NME7: variants seen among roughly 807,000 people sequenced by gnomAD.
The protein encoded by NME7 is nucleoside diphosphate kinase 7.
A neutral mutation model predicts 49.1 loss-of-function variants in NME7; 41 were observed. The ratio of observed to expected loss-of-function variants is 0.83; its 90% confidence interval spans 0.65 to 1.08. The LOEUF (loss-of-function observed/expected upper bound fraction) is 1.08, where lower values mean the gene tolerates loss of function less well. Among genes scored for constraint, NME7 ranks in the 50% least tolerant of loss-of-function variants. NME7 has a pLI of 0.00. For synonymous variants in NME7, 139 were observed against 150.6 expected, an observed-to-expected ratio of 0.92 and a Z score of 0.56; for missense variants, 423 against 463.4, an observed-to-expected ratio of 0.91 and a Z score of 0.80.
intron 7 of NME7, among the ~76,000 whole-genome samples, chr1:169,242,946 TCA>T (rs944416985): frequency 2.5e-4 from 38 of 152,052 alleles, no homozygotes; most frequent in African/African-American, 8.7e-4. Flanking sequence ...AGGGAATACT[TCA>T]CACAATAAAG....
chr1:169,170,331 T>C (rs1441143650), intron 10 of NME7, among the ~76,000 whole-genome samples: 1 of 152,134 alleles, frequency 6.6e-6, no homozygotes, highest in Non-Finnish European at 1.5e-5. Context: ...GTCACCTCTA[T>C]GAAAGTGGAA....
At chr1:169,277,042 G>A (rs1222237802) in intron 7 of NME7, among the ~76,000 whole-genome samples, 2 of 150,202 alleles carry the variant, frequency 1.3e-5, no homozygotes. Context: ...ATTGCACTGT[G>A]GTCTGAGAGA....
Position 169,137,218 on chromosome 1 carries a change from C to T in NME7, c.1099-4401G>A, listed in dbSNP as rs548370722. Among the ~76,000 whole-genome samples the T allele has an allele frequency of 3.9e-5, 6 of 152,356 alleles. No homozygotes were observed. In the East Asian group the frequency reaches 5.8e-4, roughly 15 times the overall value. On this transcript the variant is annotated intron_variant, in intron 11 of 11. Coordinates refer to ENST00000367811, the MANE Select transcript of NME7 (RefSeq NM_013330.5). ...GCTGCATGGGCCTGCAGTCTGTGCA[C>T]GGGGCCACATGCCTAGAAGAGCCTT...
intron 10 of NME7, among the ~76,000 whole-genome samples, chr1:169,192,688 G>A (rs1660268205): frequency 6.6e-6 from 1 of 152,126 alleles, no homozygotes; most frequent in South Asian, 2.1e-4. Flanking sequence ...TATACCTAGA[G>A]CTCTTGGTAT....
intron 10 of NME7, among the ~76,000 whole-genome samples, chr1:169,170,248 A>C (rs7518554): frequency 0.37 from 56,377 of 151,948 alleles, 11,034 homozygotes; most frequent in East Asian, 0.73. Context: ...ATAACCATGG[A>C]TAAGGTTAGT....
intron 11 of NME7, among the ~76,000 whole-genome samples, chr1:169,151,047 C>G (rs1187189223): frequency 6.6e-6 from 1 of 152,186 alleles, no homozygotes. Flanking sequence ...ATGGGCCGCA[C>G]AAAAACAGGC....
chr1:169,320,958 C>A (rs1651832474), intron 3 of NME7, among the ~76,000 whole-genome samples: 1 of 152,180 alleles, frequency 6.6e-6, no homozygotes. Context: ...TTTCCCTTTA[C>A]TTTCTAGCTG....
At chr1:169,161,971 A>C (rs549073130) in intron 11 of NME7, among the ~76,000 whole-genome samples, 4 of 152,182 alleles carry the variant, frequency 2.6e-5, no homozygotes, top group African/African-American at 9.6e-5. Flanking sequence ...TGTTTTTTTT[A>C]GATATGCATT....
chr1:169,215,629 G>A (rs1170937486), intron 10 of NME7, among the ~76,000 whole-genome samples: 1 of 152,138 alleles, frequency 6.6e-6, no homozygotes, highest in African/African-American at 2.4e-5. Flanking sequence ...TACTAGCTTA[G>A]CATCTTATTT....
At chr1:169,181,134 T>TTATCTATCTATCTATC (rs60560425) in intron 10 of NME7, among the ~76,000 whole-genome samples, 1,348 of 124,054 alleles carry the variant, frequency 0.011, 8 homozygotes, top group Admixed American at 0.016. Context: ...TCCTATCTAT[T>TTATCTATCTATCTATC]TATCTATCTA....
At chr1:169,274,821 T>C (rs1299041657) in intron 7 of NME7, among the ~76,000 whole-genome samples, 2 of 133,706 alleles carry the variant, frequency 1.5e-5, no homozygotes, top group African/African-American at 5.1e-5. Flanking sequence ...GTTCCATTCA[T>C]CTATCTCTCT....
chr1:169,150,596 G>A (rs938375786), intron 11 of NME7, among the ~76,000 whole-genome samples: 1 of 152,030 alleles, frequency 6.6e-6, no homozygotes, highest in Admixed American at 6.5e-5. Flanking sequence ...TAGGCAAAGG[G>A]ATATTTTGGT....
chr1:169,354,959 T>A (rs1250421666), intron 1 of NME7, among the ~76,000 whole-genome samples: 5 of 53,820 alleles, frequency 9.3e-5, no homozygotes, highest in Admixed American at 3.3e-4. Context: ...TATATATGTT[T>A]ATATATAATA....
rs544509409 is a variant in NME7 at position 169,220,666 on chromosome 1, C to CT, written c.990+10051dup. Among the ~76,000 whole-genome samples the CT allele has an allele frequency of 1.2e-3, 178 of 152,184 alleles. 4 individuals are homozygous for CT. Among genetic ancestry groups the CT allele is most frequent in the Non-Finnish European group, 1.1e-3 (77 of 68,000 alleles). ...AAGAAAATAAATTACTAACACATAA[C>CT]TTTTTTTATATATACTCACTGTACT... is the stretch of plus-strand genomic sequence containing the variant. On this transcript the variant is annotated intron_variant, in intron 10 of 11. Coordinates refer to ENST00000367811, the MANE Select transcript of NME7 (RefSeq NM_013330.5).
At chr1:169,338,665 A>C (rs575332105) in intron 1 of NME7, among the ~76,000 whole-genome samples, 6 of 152,330 alleles carry the variant, frequency 3.9e-5, no homozygotes, top group South Asian at 4.1e-4. Flanking sequence ...CTCTCTAAAA[A>C]GGTTGAACTT....
chr1:169,366,966 G>A lies in NME7; in HGVS notation c.3+742C>T, dbSNP rs1282559945. 3.3e-5 allele frequency among the ~76,000 whole-genome samples: 5 copies of A among 152,156 alleles called. No homozygotes were observed. The East Asian group carries it at 9.6e-4, about 29-fold the overall frequency. The stretch of plus-strand genomic sequence containing the variant: ...TTATCCATAAGTGCTTAAAAGATAT[G>A]GTAGTTAAGTGAATTAACTAGAACC... On this transcript the variant is annotated intron_variant, in intron 1 of 11. Coordinates refer to ENST00000367811, the MANE Select transcript of NME7 (RefSeq NM_013330.5).
At chr1:169,170,177 G>C (rs1159986417) in intron 10 of NME7, among the ~76,000 whole-genome samples, 1 of 152,192 alleles carries the variant, frequency 6.6e-6, no homozygotes, top group Non-Finnish European at 1.5e-5. Flanking sequence ...ACTCGAGACT[G>C]AGATTACTGT....
Position 169,311,141 on chromosome 1 carries a change from G to A in NME7, c.279-1061C>T, listed in dbSNP as rs182516338. ...AGGATAAAATTCAAATATCCTGGCC[G>A]GGCGCGGTGGCTCACGCCTGTAATC... On this transcript the variant is annotated intron_variant, in intron 3 of 11. Coordinates refer to ENST00000367811, the MANE Select transcript of NME7 (RefSeq NM_013330.5). Among the ~76,000 whole-genome samples, 42 of 152,000 alleles carry A rather than the reference G, an allele frequency of 2.8e-4. 1 individual carries two copies. Among genetic ancestry groups the A allele is most frequent in the Admixed American group, 2.4e-3 (36 of 15,258 alleles).
intron 1 of NME7, among the ~76,000 whole-genome samples, chr1:169,326,467 C>T (rs1403374846): frequency 1.3e-5 from 2 of 152,046 alleles, no homozygotes; most frequent in Admixed American, 6.6e-5. Flanking sequence ...TGTCTTTACT[C>T]GTAAGACATG....
Sources: allele counts gnomAD v4.1 joint callset (sites outside exome capture counted in the v4.1 genomes callset), GRCh38; gene constraint gnomAD v4.1.1; transcripts MANE v1.5; gene names NCBI Gene and HGNC (gene_info 2026-07-23, HGNC 2026-07-21).